PCSK4: variants seen among roughly 807,000 people sequenced by gnomAD.
PCSK4 encodes the protein proprotein convertase subtilisin/kexin type 4, also known as testicular tissue protein Li 135.
A neutral mutation model predicts 80.3 loss-of-function variants in PCSK4; 64 were observed. That is an observed-to-expected ratio of 0.80 (90% CI 0.65 to 0.98). PCSK4 has a LOEUF of 0.98. Among genes scored for constraint, PCSK4 ranks in the 50% least tolerant of loss-of-function variants. The probability of loss-of-function intolerance (pLI) is 0.00; values close to 1 mark genes in which losing one functional copy is unlikely to be tolerated. For missense variants in PCSK4, 1,213 were observed against 1,093.6 expected (o/e 1.11, Z -1.54); for synonymous variants, 561 against 487.6 (o/e 1.15, Z -1.98).
exon 11 of PCSK4, chr19:1,483,695 G>A: frequency 6.3e-7 from 1 of 1,596,900 alleles, no homozygotes; most frequent in Non-Finnish European, 8.5e-7. Flanking sequence ...CTGCGGCTGG[G>A]TGGGCAGCCA....
At chr19:1,485,414 G>A (rs545969146) in intron 8 of PCSK4, among the ~76,000 whole-genome samples, 1 of 151,804 alleles carries the variant, frequency 6.6e-6, no homozygotes, top group East Asian at 1.9e-4. Flanking sequence ...ATATACAAAA[G>A]AAATTAGCAG....
chr19:1,490,130 A>C (rs1367948826), intron 1 of PCSK4, 28 bp downstream of exon 1: 2 of 1,612,122 alleles, frequency 1.2e-6, no homozygotes, highest in Admixed American at 3.3e-5. Flanking sequence ...CCAAGCCCCC[A>C]CTTCCCGTCT....
chr19:1,483,227 T>C (rs1196698437), intron 12 of PCSK4, 57 bp downstream of exon 12: 5 of 1,447,728 alleles, frequency 3.5e-6, no homozygotes, highest in Admixed American at 2.3e-5. Flanking sequence ...TCCGGGTAGA[T>C]GGCAGCGTTT....
chr19:1,487,346 C>T (rs752520706), intron 6 of PCSK4, 33 bp from the exon 7 acceptor site: 56 of 1,521,872 alleles, frequency 3.7e-5, no homozygotes, highest in Middle Eastern at 2.3e-4. Context: ...CCGCTGCCAC[C>T]GGCCCTGCCC....
chr19:1,482,157 G>T, exon 15 of PCSK4: 1 of 1,559,766 alleles, frequency 6.4e-7, no homozygotes. Context: ...AACCGCGGGG[G>T]GCAGTAGGCC....
chr19:1,488,939 T>C (rs1218540287), intron 2 of PCSK4, among the ~76,000 whole-genome samples: 1 of 152,134 alleles, frequency 6.6e-6, no homozygotes, highest in Non-Finnish European at 1.5e-5. Flanking sequence ...CCCGGTGCTG[T>C]AAGCAGGCAG....
chr19:1,485,370 C>T (rs1349006526), intron 8 of PCSK4, among the ~76,000 whole-genome samples: 1 of 151,076 alleles, frequency 6.6e-6, no homozygotes, highest in East Asian at 2.0e-4. Context: ...TGGAGACCAG[C>T]CTGGCCAACA....
exon 15 of PCSK4, chr19:1,481,892 A>G (rs764214917): frequency 6.3e-7 from 1 of 1,595,404 alleles, no homozygotes; most frequent in East Asian, 2.2e-5. Context: ...CAGGAGGCTC[A>G]GCACCATGGC....
In PCSK4 at chr19:1,483,426, ATACGT is replaced by A; in HGVS notation, c.1424_1428del (p.Asn475IlefsTer55). 6.3e-7 allele frequency: 1 copy of A among 1,599,882 alleles called. No individual in the cohort carries two copies. The highest frequency in any genetic ancestry group is 8.5e-7 in the Non-Finnish European group (1 of 1,178,982). The stretch of plus-strand genomic sequence containing the variant: ...GAGTTGTGGAGGCCGGCGCAGGCCG[ATACGT>A]TTTCCCTGATGTAGATCAGCGGCAG... On this transcript the variant is annotated frameshift_variant, in exon 12 of 15. Coordinates refer to ENST00000300954, the Ensembl canonical transcript of PCSK4. LOFTEE classifies it high-confidence loss of function.
At chr19:1,482,130 G>T in exon 15 of PCSK4, 1 of 1,556,410 alleles carries the variant, frequency 6.4e-7, no homozygotes, top group Non-Finnish European at 8.6e-7. Flanking sequence ...GCGGTCACCA[G>T]CCTTGTGTGG....
Position 1,481,478 on chromosome 19 carries a change from C to T in PCSK4, c.*281G>A, listed in dbSNP as rs370465752. The T allele has an allele frequency of 1.1e-5, 4 of 362,266 alleles. No homozygotes were observed. In the East Asian group the frequency reaches 1.7e-4, roughly 15 times the overall value. 22.4% of individuals were successfully genotyped at this position (362,266 alleles called of 1,614,324 possible). A position where few individuals can be genotyped will look rare whatever the true frequency, so the allele number is the denominator to read the frequency against. On this transcript the variant is annotated 3_prime_UTR_variant, in exon 15 of 15. Coordinates refer to ENST00000300954, the Ensembl canonical transcript of PCSK4. Reference sequence around the variant, plus strand: ...AAACTCTGAGGTTGGACGCGGTGCCCGAGGCGGACAGTGTCACGTTTCTCT... The same window carrying T: ...AAACTCTGAGGTTGGACGCGGTGCCTGAGGCGGACAGTGTCACGTTTCTCT...
exon 7 of PCSK4, chr19:1,487,181 C>T (rs778287335): frequency 1.0e-5 from 16 of 1,607,536 alleles, no homozygotes; most frequent in Non-Finnish European, 1.4e-5. Context: ...GGTGAGGATG[C>T]CGGGGCCGTC....
intron 10 of PCSK4, 35 bp from the exon 11 acceptor site, chr19:1,483,802 GC>G: frequency 6.6e-7 from 1 of 1,512,830 alleles, no homozygotes; most frequent in South Asian, 1.3e-5. Context: ...CGCCCCGTGG[GC>G]CCCGGGTCCC....
chr19:1,487,899 T>A (rs757583432), intron 4 of PCSK4, 38 bp from the exon 5 acceptor site: 1 of 1,571,444 alleles, frequency 6.4e-7, no homozygotes, highest in Admixed American at 1.8e-5. Flanking sequence ...CCGGGAGGCG[T>A]CCCTAGGGTG....
chr19:1,483,578 G>T (rs2084429457), intron 11 of PCSK4, 72 bp downstream of exon 11: 4 of 1,424,682 alleles, frequency 2.8e-6, no homozygotes, highest in South Asian at 1.3e-5. Context: ...TTTACAGATG[G>T]GTAAACTGAG....
intron 2 of PCSK4, chr19:1,489,493 T>A (rs1053281368): frequency 2.5e-6 from 1 of 394,682 alleles, no homozygotes; most frequent in Non-Finnish European, 4.6e-6. Context: ...CTCCATCCCA[T>A]GACCTAGACG....
intron 8 of PCSK4, among the ~76,000 whole-genome samples, chr19:1,484,616 G>A (rs1258875158): frequency 3.3e-5 from 5 of 150,576 alleles, no homozygotes; most frequent in East Asian, 3.9e-4. Context: ...TCAGGAGTTC[G>A]AGACCAGCCT....
chr19:1,483,222 GTA>G, intron 12 of PCSK4, 60 bp downstream of exon 12: 2 of 1,438,668 alleles, frequency 1.4e-6, no homozygotes, highest in South Asian at 2.7e-5. Flanking sequence ...GACACTCCGG[GTA>G]GATGGCAGCG....
At chr19:1,483,623 T>C (rs1410924578) in intron 11 of PCSK4, 27 bp downstream of exon 11, 2 of 1,528,942 alleles carry the variant, frequency 1.3e-6, no homozygotes, top group Non-Finnish European at 1.8e-6. Flanking sequence ...CCAGCGGGGA[T>C]AGCGGAGGGG....
Sources: allele counts gnomAD v4.1 joint callset (sites outside exome capture counted in the v4.1 genomes callset), GRCh38; gene constraint gnomAD v4.1.1; transcripts MANE v1.5; gene names NCBI Gene and HGNC (gene_info 2026-07-23, HGNC 2026-07-21).